The following NIBAN2 variants were observed in gnomAD, a reference collection of about 807,000 sequenced individuals.
NIBAN2 encodes the protein niban apoptosis regulator 2, also known as protein Niban 2.
A neutral mutation model predicts 81.8 loss-of-function variants in NIBAN2; 36 were observed. The ratio of observed to expected loss-of-function variants is 0.44; its 90% confidence interval spans 0.34 to 0.58. The LOEUF (loss-of-function observed/expected upper bound fraction) is 0.58, where lower values mean the gene tolerates loss of function less well. Among genes scored for constraint, NIBAN2 ranks in the 20% least tolerant of loss-of-function variants. The pLI is 0.02. For synonymous variants in NIBAN2, 445 were observed against 441.6 expected (o/e 1.01, Z -0.10); for missense variants, 897 against 1,014.1 (o/e 0.88, Z 1.57).
chr9:127,526,417 A>G (rs1171357014), intron 3 of NIBAN2, among the ~76,000 whole-genome samples: 7 of 141,132 alleles, frequency 5.0e-5, no homozygotes, highest in African/African-American at 7.8e-5. Context: ...AAAAAAAAAG[A>G]AAAAAAAAAG....
Position 127,525,154 on chromosome 9 carries a change from G to A in NIBAN2, c.325C>T (p.Arg109Trp), listed in dbSNP as rs775120448. The A allele has an allele frequency of 6.8e-6, 11 of 1,613,748 alleles. No homozygotes were observed. Among genetic ancestry groups the A allele is most frequent in the East Asian group, 2.2e-5 (1 of 44,890 alleles). The change falls in exon 4 of 14, where the codon CGG (arginine) becomes TGG (tryptophan). Residue 109 changes from arginine to tryptophan, a missense_variant. Physicochemically the swap from Arg to Trp is moderately radical, Grantham distance 101. This residue lies in a region of NIBAN2 where 209 missense variants were observed against 208.4 expected (regional missense o/e 1.00). Coordinates refer to ENST00000373312, the MANE Select transcript of NIBAN2 (RefSeq NM_022833.4). Reference sequence around the variant, plus strand: ...ATGACGGCTCGTGGTGGGACCTGCCGCTCATAGGCCTGAGGGAGGCAAGAG... The same window carrying A: ...ATGACGGCTCGTGGTGGGACCTGCCACTCATAGGCCTGAGGGAGGCAAGAG... ...VLYENKAAYE[R>W]QVPPRAVINS...
At chr9:127,515,235 G>GGGCGGCCA (rs1836803040) in intron 8 of NIBAN2, among the ~76,000 whole-genome samples, 2 of 151,622 alleles carry the variant, frequency 1.3e-5, no homozygotes, top group Admixed American at 6.6e-5. Flanking sequence ...AAAACAGGCC[G>GGGCGGCCA]GGCGGCCAGG....
At chr9:127,521,983 C>T (rs1215502776) in intron 5 of NIBAN2, among the ~76,000 whole-genome samples, 2 of 152,248 alleles carry the variant, frequency 1.3e-5, no homozygotes, top group Non-Finnish European at 2.9e-5. Flanking sequence ...CTGTGCCCAC[C>T]CCTTCCCTAT....
At chr9:127,526,090 G>A (rs1432545676) in intron 3 of NIBAN2, among the ~76,000 whole-genome samples, 1 of 152,094 alleles carries the variant, frequency 6.6e-6, no homozygotes, top group Admixed American at 6.6e-5. Context: ...AACACCACCC[G>A]AGAACTTACT....
intron 1 of NIBAN2, among the ~76,000 whole-genome samples, chr9:127,538,178 G>T (rs774716603): frequency 9.2e-5 from 14 of 152,136 alleles, no homozygotes; most frequent in Non-Finnish European, 1.8e-4. Context: ...GGGGGGCTCT[G>T]CTCCCCATAT....
At position 127,511,328 on chromosome 9, in the gene NIBAN2, G is replaced by A. The variant is rs148819454; in HGVS notation, c.974-995C>T. Among the ~76,000 whole-genome samples, 580 of 151,968 alleles carry A rather than the reference G, an allele frequency of 3.8e-3. 6 individuals carry two copies. The highest frequency in any genetic ancestry group is 0.025 in the East Asian group (128 of 5,172). ...CTCCCAAAGTGCTGGGATTATAGGC[G>A]TGAGCCACCGCGCTCAGCCCCCATC... On this transcript the variant is annotated intron_variant, in intron 8 of 13. Coordinates refer to ENST00000373312, the MANE Select transcript of NIBAN2 (RefSeq NM_022833.4).
chr9:127,528,198 T>G (rs1467337867), intron 2 of NIBAN2, among the ~76,000 whole-genome samples: 5 of 152,030 alleles, frequency 3.3e-5, no homozygotes, highest in Admixed American at 3.3e-4. Context: ...TATCTGGGGA[T>G]GGGGAAGGAG....
At chr9:127,565,370 C>T (rs914372949) in intron 1 of NIBAN2, among the ~76,000 whole-genome samples, 4 of 152,126 alleles carry the variant, frequency 2.6e-5, no homozygotes, top group South Asian at 2.1e-4. Context: ...GATTTCTTTC[C>T]GGGCTGATGA....
chr9:127,527,136 G>T, intron 3 of NIBAN2, 58 bp downstream of exon 3: 4 of 1,595,838 alleles, frequency 2.5e-6, no homozygotes, highest in Non-Finnish European at 3.4e-6. Flanking sequence ...AGTTGGGGGA[G>T]GGGGCACACA....
rs1249456067 is a variant in NIBAN2, at chr9:127,508,601, G to A, written c.1318-63C>T. 33 of 1,369,620 alleles carry A rather than the reference G, an allele frequency of 2.4e-5. No individual in the cohort carries two copies. In the Middle Eastern group the frequency reaches 5.3e-4, roughly 22 times the overall value. The allele number at this position is 1,369,620 out of a possible 1,614,324, so 84.8% of individuals were successfully genotyped here. A position where few individuals can be genotyped will look rare whatever the true frequency, so the allele number is the denominator to read the frequency against. On this transcript the variant is annotated intron_variant, in intron 10 of 13. Transcript: ENST00000373312. This position sits in a 1 kb window ranked among gnomAD's most constrained non-coding sequence, Gnocchi z 6.4. ...TGACCACAGCCCCTTCCTGGGTGCCGCTGAGGGGTCCTCATCCTCAACCAG... is the reference window on the plus strand; with the variant it reads ...TGACCACAGCCCCTTCCTGGGTGCCACTGAGGGGTCCTCATCCTCAACCAG...
At chr9:127,570,273 GA>G (rs1254991910), upstream of NIBAN2, among the ~76,000 whole-genome samples, 2 of 152,180 alleles carry the variant, frequency 1.3e-5, no homozygotes, top group African/African-American at 2.4e-5. Context: ...AGGTAGGTTT[GA>G]AATGGATTAA....
At chr9:127,550,765 G>C (rs889460574) in intron 1 of NIBAN2, among the ~76,000 whole-genome samples, 1 of 151,558 alleles carries the variant, frequency 6.6e-6, no homozygotes, top group African/African-American at 2.5e-5. Context: ...GGCTGGGTTT[G>C]GGGCTGGGCC....
intron 1 of NIBAN2, among the ~76,000 whole-genome samples, chr9:127,577,628 C>T (rs1429422134): frequency 6.6e-6 from 1 of 151,894 alleles, no homozygotes; most frequent in East Asian, 1.9e-4. Flanking sequence ...TCCAATACCC[C>T]ACGCTTCCCA....
In NIBAN2 at chr9:127,526,579, A is replaced by C. The variant is rs191629381; in HGVS notation, c.315+615T>G. On this transcript the variant is annotated intron_variant, in intron 3 of 13. Coordinates refer to ENST00000373312, the MANE Select transcript of NIBAN2 (RefSeq NM_022833.4). ...GTTGCTCTTGACTTTATGTTGCTCTAACATTGATCTTCCGTGAAATACAGG... is the reference window on the plus strand; with the variant it reads ...GTTGCTCTTGACTTTATGTTGCTCTCACATTGATCTTCCGTGAAATACAGG... Among the ~76,000 whole-genome samples the C allele has an allele frequency of 3.1e-4, 47 of 152,212 alleles. No individual in the cohort carries two copies. The South Asian group carries it at 8.9e-3, about 29-fold the overall frequency.
intron 3 of NIBAN2, among the ~76,000 whole-genome samples, chr9:127,526,405 A>AAAAAG (rs1161003479): frequency 6.6e-6 from 1 of 151,258 alleles, no homozygotes; most frequent in African/African-American, 2.4e-5. Flanking sequence ...TCTCAAAAAA[A>AAAAAG]AAAAAAAAAA....
At chr9:127,509,155 G>A (rs756702122) in intron 9 of NIBAN2, 24 bp from the exon 10 acceptor site, 22 of 1,592,818 alleles carry the variant, frequency 1.4e-5, no homozygotes, top group Non-Finnish European at 1.9e-5. Context: ...GGCCGCGGGG[G>A]CTGAGCAGGG....
At chr9:127,566,901 C>T (rs1282716609) in intron 1 of NIBAN2, among the ~76,000 whole-genome samples, 1 of 151,710 alleles carries the variant, frequency 6.6e-6, no homozygotes, top group African/African-American at 2.4e-5. Flanking sequence ...AACACCCCAC[C>T]CCCCCACATC....
chr9:127,546,745 T>C (rs1891729), intron 1 of NIBAN2, among the ~76,000 whole-genome samples: 33,452 of 151,902 alleles, frequency 0.22, 4,178 homozygotes, highest in East Asian at 0.54. Context: ...AGGGTTTATG[T>C]TGCTCTCACT....
intron 5 of NIBAN2, among the ~76,000 whole-genome samples, chr9:127,518,947 G>A (rs1836883634): frequency 6.6e-6 from 1 of 152,142 alleles, no homozygotes; most frequent in Admixed American, 6.6e-5. Context: ...GCTGAGGTGG[G>A]GGAAATCACT....
Sources: allele counts gnomAD v4.1 joint callset (sites outside exome capture counted in the v4.1 genomes callset), GRCh38; gene constraint gnomAD v4.1.1; regional missense constraint gnomAD v4.1.1; non-coding constraint Gnocchi (gnomAD v3.1); transcripts MANE v1.5; gene names NCBI Gene and HGNC (gene_info 2026-07-23, HGNC 2026-07-21).